PACS1: variants seen among roughly 807,000 people sequenced by gnomAD.
PACS1 encodes phosphofurin acidic cluster sorting protein 1.
A neutral mutation model predicts 115.0 loss-of-function variants in PACS1; 24 were observed. The observed-to-expected ratio is 0.21, with a 90% CI of 0.15 to 0.29. The LOEUF is 0.29. Ranked by LOEUF, PACS1 falls within the 10% of genes least tolerant of loss-of-function variation. PACS1 has a pLI of 1.00. For synonymous variants in PACS1, 453 were observed against 504.5 expected (o/e 0.90, Z 1.37); for missense variants, 838 against 1,251.2 (o/e 0.67, Z 4.98).
intron 1 of PACS1, among the ~76,000 whole-genome samples, chr11:66,117,671 A>AC (rs1211366387): frequency 6.6e-6 from 1 of 151,156 alleles, no homozygotes; most frequent in African/African-American, 2.4e-5. Context: ...ACATGGAGAA[A>AC]CCCCATCTCT....
At position 66,242,894 on chromosome 11, in the gene PACS1, G is replaced by A. The variant is rs1305665901; in HGVS notation, c.2657-18G>A. ...TTCCCCAGGGGCTGGGACACAGGTG[G>A]CCTTGCTTGCTTTCCAGTTCCCACC... On this transcript the variant is annotated intron_variant, in intron 22 of 23. Coordinates refer to ENST00000320580, the MANE Select transcript of PACS1 (RefSeq NM_018026.4). 2.5e-6 allele frequency: 4 copies of A among 1,613,916 alleles called. No individual in the cohort carries two copies. The highest frequency in any genetic ancestry group is 3.4e-6 in the Non-Finnish European group (4 of 1,179,914).
intron 2 of PACS1, among the ~76,000 whole-genome samples, chr11:66,201,898 A>T (rs547283958): frequency 6.6e-6 from 1 of 152,132 alleles, no homozygotes; most frequent in South Asian, 2.1e-4. Context: ...GCCTCAGGTG[A>T]TCTGCTTGCC....
chr11:66,184,051 G>T (rs1382516031), intron 1 of PACS1, among the ~76,000 whole-genome samples: 1 of 152,074 alleles, frequency 6.6e-6, no homozygotes, highest in African/African-American at 2.4e-5. Context: ...TTGATTTGGG[G>T]TCTAACTAGT....
chr11:66,196,738 C>T (rs1016226792), intron 2 of PACS1, among the ~76,000 whole-genome samples: 4 of 152,108 alleles, frequency 2.6e-5, no homozygotes, highest in Non-Finnish European at 5.9e-5. Context: ...GCTGGGACTA[C>T]AGGCACCCAC....
intron 1 of PACS1, among the ~76,000 whole-genome samples, chr11:66,153,508 G>A (rs565230406): frequency 8.9e-4 from 135 of 152,204 alleles, no homozygotes; most frequent in Non-Finnish European, 1.7e-3. Context: ...CTGGCCAGGC[G>A]CGGTGGCTCA....
intron 1 of PACS1, among the ~76,000 whole-genome samples, chr11:66,156,714 C>T (rs1859370518): frequency 6.6e-6 from 1 of 151,970 alleles, no homozygotes; most frequent in African/African-American, 2.4e-5. Flanking sequence ...ATTACCCGGG[C>T]GTGGTGGTGG....
In PACS1 at chr11:66,205,107, C is replaced by A. The variant is rs868145293; in HGVS notation, c.445-5255C>A. Reference sequence around the variant, plus strand: ...TCAAGCGATTCTCCTACCTCAGCCTCCCAAGTAGCTGGGATTACAGGTGTG... The same window carrying A: ...TCAAGCGATTCTCCTACCTCAGCCTACCAAGTAGCTGGGATTACAGGTGTG... On this transcript the variant is annotated intron_variant, in intron 2 of 23. Coordinates refer to ENST00000320580, the MANE Select transcript of PACS1 (RefSeq NM_018026.4). 6.9e-4 allele frequency among the ~76,000 whole-genome samples: 105 copies of A among 152,274 alleles called. 2 individuals carry two copies. The Middle Eastern group carries it at 0.02, about 30-fold the overall frequency.
chr11:66,174,849 G>A (rs914252413), intron 1 of PACS1, among the ~76,000 whole-genome samples: 5 of 152,072 alleles, frequency 3.3e-5, no homozygotes, highest in Admixed American at 6.5e-5. Flanking sequence ...TGAATTGTAC[G>A]TTTAAAATAG....
intron 2 of PACS1, among the ~76,000 whole-genome samples, chr11:66,204,756 C>A (rs1854893861): frequency 6.6e-6 from 1 of 152,048 alleles, no homozygotes; most frequent in African/African-American, 2.4e-5. Context: ...AAATTAAAGT[C>A]ATGGAGATAG....
At chr11:66,185,251 A>G (rs1270437612) in intron 1 of PACS1, among the ~76,000 whole-genome samples, 1 of 152,230 alleles carries the variant, frequency 6.6e-6, no homozygotes, top group East Asian at 1.9e-4. Flanking sequence ...TTGAAAATAA[A>G]TGACCTGTTA....
At chr11:66,242,889 A>T in intron 22 of PACS1, 23 bp from the exon 23 acceptor site, 1 of 1,613,812 alleles carries the variant, frequency 6.2e-7, no homozygotes. Context: ...GCTGGGACAC[A>T]GGTGGCCTTG....
chr11:66,208,389 A>C (rs1477890061), intron 2 of PACS1, among the ~76,000 whole-genome samples: 1 of 152,164 alleles, frequency 6.6e-6, no homozygotes, highest in African/African-American at 2.4e-5. Flanking sequence ...AGGCAGTGGC[A>C]GGAAGATTAC....
chr11:66,111,408 T>C (rs1303898161), intron 1 of PACS1, among the ~76,000 whole-genome samples: 1 of 152,212 alleles, frequency 6.6e-6, no homozygotes, highest in East Asian at 1.9e-4. Context: ...TTTCCTAATA[T>C]CAGACACGTG....
intron 1 of PACS1, among the ~76,000 whole-genome samples, chr11:66,157,282 G>A (rs1859383952): frequency 6.6e-6 from 1 of 152,148 alleles, no homozygotes; most frequent in African/African-American, 2.4e-5. Context: ...AGATCACAGT[G>A]GGCCAGAATT....
intron 1 of PACS1, among the ~76,000 whole-genome samples, chr11:66,134,285 G>A (rs1174562935): frequency 3.6e-5 from 2 of 54,840 alleles, no homozygotes; most frequent in African/African-American, 1.0e-4. Context: ...TTTTTGAGAC[G>A]GAGTCTCGCT....
At chr11:66,200,459 C>G (rs368613771) in intron 2 of PACS1, among the ~76,000 whole-genome samples, 1 of 151,168 alleles carries the variant, frequency 6.6e-6, no homozygotes, top group African/African-American at 2.4e-5. Flanking sequence ...AAAATATACT[C>G]TATGCAAATG....
At chr11:66,212,299 T>TTC (rs1416958849) in intron 4 of PACS1, among the ~76,000 whole-genome samples, 1 of 126,852 alleles carries the variant, frequency 7.9e-6, no homozygotes, top group African/African-American at 3.4e-5. Context: ...GCCCAGCTAA[T>TTC]TTTTTTTTTT....
At chr11:66,239,522 A>C (rs1442561251) in intron 21 of PACS1, among the ~76,000 whole-genome samples, 1 of 152,102 alleles carries the variant, frequency 6.6e-6, no homozygotes, top group East Asian at 1.9e-4. Flanking sequence ...TGTCTCTCAA[A>C]AAAAAACCCA....
chr11:66,230,305 G>T (rs781494901), intron 11 of PACS1: 2 of 528,016 alleles, frequency 3.8e-6, no homozygotes, highest in South Asian at 2.2e-5. Flanking sequence ...CCAGCAGGTC[G>T]TTTGTAACTG....
Sources: allele counts gnomAD v4.1 joint callset (sites outside exome capture counted in the v4.1 genomes callset), GRCh38; gene constraint gnomAD v4.1.1; transcripts MANE v1.5; gene names NCBI Gene and HGNC (gene_info 2026-07-23, HGNC 2026-07-21).